The following ZNF385B variants were observed in gnomAD, a reference collection of about 807,000 sequenced individuals.
ZNF385B encodes zinc finger protein 385B, also known as zinc finger protein 533.
In ZNF385B, 23 loss-of-function variants were observed where a neutral mutation model predicts 39.2. The observed-to-expected ratio is 0.59, with a 90% CI of 0.42 to 0.83. ZNF385B has a LOEUF of 0.83. Ranked by LOEUF, ZNF385B falls within the 40% of genes least tolerant of loss-of-function variation. The probability of loss-of-function intolerance (pLI) is 0.00; values close to 1 mark genes in which losing one functional copy is unlikely to be tolerated. For synonymous variants in ZNF385B, 205 were observed against 222.6 expected (o/e 0.92, Z 0.70); for missense variants, 552 against 598.9 (o/e 0.92, Z 0.82).
chr2:179,513,822 A>T (rs550705617), intron 5 of ZNF385B, among the ~76,000 whole-genome samples: 15 of 152,324 alleles, frequency 9.8e-5, no homozygotes, highest in Admixed American at 9.8e-4. Context: ...ATGCTTAGGA[A>T]ATGAGTAAAG....
At chr2:179,483,083 A>G (rs191837938) in intron 6 of ZNF385B, among the ~76,000 whole-genome samples, 189 bp downstream of exon 6, 31 of 152,016 alleles carry the variant, frequency 2.0e-4, no homozygotes, top group African/African-American at 7.0e-4. Context: ...ATTTAATAAC[A>G]TGGAATGGAA....
chr2:179,707,141 T>G (rs1699662369), intron 3 of ZNF385B, among the ~76,000 whole-genome samples: 1 of 152,206 alleles, frequency 6.6e-6, no homozygotes, highest in Non-Finnish European at 1.5e-5. Context: ...CCATAAGACT[T>G]GCCCGCATCT....
intron 1 of ZNF385B, among the ~76,000 whole-genome samples, chr2:179,836,374 C>T (rs924174265): frequency 7.9e-5 from 12 of 152,152 alleles, no homozygotes; most frequent in African/African-American, 2.9e-4. Context: ...AGGTTAAACT[C>T]TGTATTGCTT....
At chr2:179,756,773 T>C (rs1427564762) in intron 3 of ZNF385B, among the ~76,000 whole-genome samples, 1 of 152,162 alleles carries the variant, frequency 6.6e-6, no homozygotes, top group Admixed American at 6.5e-5. Context: ...AATCGGCTAG[T>C]GAGGCTTGTG....
At chr2:179,752,698 T>G (rs1350918201) in intron 3 of ZNF385B, among the ~76,000 whole-genome samples, 2 of 152,134 alleles carry the variant, frequency 1.3e-5, no homozygotes, top group African/African-American at 4.8e-5. Context: ...ATGATGAGCA[T>G]TTTTTCATTT....
intron 3 of ZNF385B, among the ~76,000 whole-genome samples, chr2:179,661,978 T>C (rs1694532710): frequency 6.6e-6 from 1 of 152,262 alleles, no homozygotes; most frequent in Non-Finnish European, 1.5e-5. Context: ...GATTTGGCAT[T>C]AAAGTCACTT....
intron 1 of ZNF385B, among the ~76,000 whole-genome samples, chr2:179,780,683 A>C (rs1398773913): frequency 6.6e-6 from 1 of 152,126 alleles, no homozygotes; most frequent in Non-Finnish European, 1.5e-5. Flanking sequence ...TCCAAACATC[A>C]CAATAGGGTA....
chr2:179,576,005 T>G (rs1202731790), intron 3 of ZNF385B: 1 of 284,840 alleles, frequency 3.5e-6, no homozygotes, highest in Non-Finnish European at 5.3e-6. Context: ...TTTCTTCCCT[T>G]AGATAACTCC....
At chr2:179,469,978 G>C (rs2052554431) in intron 6 of ZNF385B, among the ~76,000 whole-genome samples, 1 of 152,130 alleles carries the variant, frequency 6.6e-6, no homozygotes, top group African/African-American at 2.4e-5. Flanking sequence ...ATGGCTGATG[G>C]GACTGCTGGA....
intron 5 of ZNF385B, among the ~76,000 whole-genome samples, chr2:179,485,734 T>A (rs2054497652): frequency 6.6e-6 from 1 of 152,170 alleles, no homozygotes. Flanking sequence ...TGTTTTTCAG[T>A]GTACCTTGAT....
intron 1 of ZNF385B, among the ~76,000 whole-genome samples, chr2:179,818,821 C>T (rs1161162793): frequency 1.3e-5 from 2 of 152,074 alleles, no homozygotes; most frequent in Non-Finnish European, 2.9e-5. Context: ...GGCCCTAATG[C>T]TCATCAGATT....
At chr2:179,621,616 C>G (rs948129887) in intron 3 of ZNF385B, among the ~76,000 whole-genome samples, 1 of 152,218 alleles carries the variant, frequency 6.6e-6, no homozygotes, top group Non-Finnish European at 1.5e-5. Flanking sequence ...CATCACACCC[C>G]TGTAAGTTCC....
At chr2:179,687,050 A>C (rs1697978336) in intron 3 of ZNF385B, among the ~76,000 whole-genome samples, 1 of 151,530 alleles carries the variant, frequency 6.6e-6, no homozygotes, top group East Asian at 1.9e-4. Flanking sequence ...TCTTCCACAA[A>C]ATTATCACAG....
chr2:179,684,601 G>A lies in ZNF385B; in HGVS notation c.298+84902C>T, dbSNP rs553483515. On this transcript the variant is annotated intron_variant, in intron 3 of 9. Transcript: ENST00000410066. ...ATCTACCTTATTTATGAATGAGGAA[G>A]GAAGAAAAAAATCATTATTGTGCAA... Among the ~76,000 whole-genome samples, 8 of 152,252 alleles carry A rather than the reference G, an allele frequency of 5.3e-5. No individual in the cohort carries two copies. In the South Asian group the frequency reaches 1.7e-3, roughly 32 times the overall value.
intron 1 of ZNF385B, among the ~76,000 whole-genome samples, chr2:179,792,674 C>A (rs927878077): frequency 2.6e-5 from 4 of 152,070 alleles, no homozygotes; most frequent in African/African-American, 7.2e-5. Context: ...CACGCCCGGC[C>A]CATTTCCTTT....
At chr2:179,504,025 C>G (rs1197530684) in intron 5 of ZNF385B, among the ~76,000 whole-genome samples, 4 of 146,500 alleles carry the variant, frequency 2.7e-5, no homozygotes, top group Admixed American at 2.0e-4. Context: ...ATCCCTCCCC[C>G]CTCTCCCCAC....
At chr2:179,506,275 A>AT (rs2057249330) in intron 5 of ZNF385B, among the ~76,000 whole-genome samples, 1 of 152,078 alleles carries the variant, frequency 6.6e-6, no homozygotes, top group Non-Finnish European at 1.5e-5. Context: ...CAATTCTTTC[A>AT]TTTTGTGATT....
At chr2:179,718,834 A>G (rs1700498546) in intron 3 of ZNF385B, among the ~76,000 whole-genome samples, 2 of 151,498 alleles carry the variant, frequency 1.3e-5, no homozygotes, top group South Asian at 4.2e-4. Flanking sequence ...TCTATTAAAA[A>G]AAAAAAACCC....
At chr2:179,466,769 A>T (rs970525784) in intron 6 of ZNF385B, among the ~76,000 whole-genome samples, 5 of 151,766 alleles carry the variant, frequency 3.3e-5, no homozygotes, top group Non-Finnish European at 5.9e-5. Flanking sequence ...AAAAATACAA[A>T]AATTAGCCAG....
Sources: allele counts gnomAD v4.1 joint callset (sites outside exome capture counted in the v4.1 genomes callset), GRCh38; gene constraint gnomAD v4.1.1; transcripts MANE v1.5; gene names NCBI Gene and HGNC (gene_info 2026-07-23, HGNC 2026-07-21).